Variants in UGT1A8 observed in about 807,000 individuals in gnomAD.
The protein encoded by UGT1A8 is UDP glucuronosyltransferase family 1 member A8.
A neutral mutation model predicts 45.3 loss-of-function variants in UGT1A8; 39 were observed. That is an observed-to-expected ratio of 0.86 (90% confidence interval 0.67 to 1.12). The LOEUF is 1.12. UGT1A8 is among the 50% of genes most tolerant of loss of function. The pLI is 0.00. For missense variants in UGT1A8, 719 were observed against 664.9 expected (o/e 1.08, Z -0.90); for synonymous variants, 275 against 249.2 (o/e 1.10, Z -0.97).
At chr2:233,691,237 T>C in intron 1 of UGT1A8, 1 of 985,554 alleles carries the variant, frequency 1.0e-6, no homozygotes, top group Non-Finnish European at 1.2e-6. Flanking sequence ...CTTATTGCTA[T>C]CTAGATGAAC....
At chr2:233,649,428 G>A (rs1165027091) in intron 1 of UGT1A8, among the ~76,000 whole-genome samples, 1 of 152,092 alleles carries the variant, frequency 6.6e-6, no homozygotes, top group African/African-American at 2.4e-5. Flanking sequence ...TAACTAACCT[G>A]TACTACCTGC....
intron 1 of UGT1A8, among the ~76,000 whole-genome samples, chr2:233,739,812 GT>G (rs957981819): frequency 5.3e-5 from 8 of 152,020 alleles, no homozygotes; most frequent in African/African-American, 1.9e-4. Context: ...GGCATGATTG[GT>G]TTTTAAATGT....
intron 1 of UGT1A8, chr2:233,672,218 A>G (rs1248602298): frequency 2.5e-6 from 4 of 1,614,098 alleles, no homozygotes; most frequent in Admixed American, 1.7e-5. Flanking sequence ...GCTTTTGCCC[A>G]TGCTCAATGG....
At chr2:233,685,659 T>C (rs563821705) in intron 1 of UGT1A8, among the ~76,000 whole-genome samples, 1 of 152,360 alleles carries the variant, frequency 6.6e-6, no homozygotes, top group South Asian at 2.1e-4. Context: ...GGAGAGGCTA[T>C]GGCATAATGT....
At chr2:233,768,145 T>C in intron 3 of UGT1A8, 75 bp from the exon 4 acceptor site, 1 of 1,611,332 alleles carries the variant, frequency 6.2e-7, no homozygotes, top group Non-Finnish European at 8.5e-7. Flanking sequence ...TTTGGAGTGT[T>C]TTCAGAACCT....
At chr2:233,711,090 C>T (rs369326612) in intron 1 of UGT1A8, among the ~76,000 whole-genome samples, 94 of 152,334 alleles carry the variant, frequency 6.2e-4, no homozygotes, top group African/African-American at 2.2e-3. Context: ...CCAAGTCTAT[C>T]TGTGCAGCCC....
intron 1 of UGT1A8, chr2:233,718,851 CG>C: frequency 6.2e-7 from 1 of 1,613,708 alleles, no homozygotes; most frequent in South Asian, 1.1e-5. Context: ...TCCCCTGCCG[CG>C]GCTGGCCACA....
intron 1 of UGT1A8, chr2:233,760,559 C>A (rs776620061): frequency 1.2e-6 from 2 of 1,614,238 alleles, no homozygotes; most frequent in Admixed American, 3.3e-5. Flanking sequence ...GTGAAAGAGT[C>A]TTTTGTTAGT....
intron 1 of UGT1A8, among the ~76,000 whole-genome samples, chr2:233,756,694 G>T (rs2125945712): frequency 6.6e-6 from 1 of 152,238 alleles, no homozygotes. Context: ...TAATGACGAT[G>T]AATTTTGGGG....
intron 1 of UGT1A8, among the ~76,000 whole-genome samples, chr2:233,747,015 G>T (rs911515983): frequency 6.6e-6 from 1 of 151,822 alleles, no homozygotes; most frequent in Non-Finnish European, 1.5e-5. Context: ...AGGAGTGATC[G>T]GTCTTTCCCG....
intron 1 of UGT1A8, among the ~76,000 whole-genome samples, chr2:233,622,875 C>T (rs181727632): frequency 9.9e-5 from 15 of 152,274 alleles, no homozygotes; most frequent in Non-Finnish European, 1.6e-4. Context: ...ACATTTAAAT[C>T]TTTAATCCAT....
intron 1 of UGT1A8, among the ~76,000 whole-genome samples, chr2:233,745,523 G>A (rs530279744): frequency 2.0e-5 from 3 of 151,672 alleles, no homozygotes; most frequent in African/African-American, 2.4e-5. Context: ...GGTCTAATGG[G>A]GATGTGTTAT....
chr2:233,685,762 A>C (rs1323396149), intron 1 of UGT1A8, among the ~76,000 whole-genome samples: 1 of 152,156 alleles, frequency 6.6e-6, no homozygotes, highest in Non-Finnish European at 1.5e-5. Context: ...TTAAAGAAAA[A>C]TTTTGACTTT....
At chr2:233,667,465 G>C (rs1172466212) in intron 1 of UGT1A8, among the ~76,000 whole-genome samples, 2 of 152,186 alleles carry the variant, frequency 1.3e-5, no homozygotes. Context: ...TCAGGACATA[G>C]GCATGGGCAA....
At chr2:233,633,586 T>G (rs949308973) in intron 1 of UGT1A8, among the ~76,000 whole-genome samples, 2 of 152,202 alleles carry the variant, frequency 1.3e-5, no homozygotes, top group Non-Finnish European at 1.5e-5. Flanking sequence ...GAATGTCTAG[T>G]TTATTTGTGT....
At chr2:233,682,834 T>G in intron 1 of UGT1A8, 1 of 1,552,986 alleles carries the variant, frequency 6.4e-7, no homozygotes, top group South Asian at 1.2e-5. Flanking sequence ...TAATCTGGCT[T>G]TGGAAATTAA....
chr2:233,738,287 A>T, intron 1 of UGT1A8, among the ~76,000 whole-genome samples: 1 of 152,330 alleles, frequency 6.6e-6, no homozygotes, highest in South Asian at 2.1e-4. Flanking sequence ...TAAATTACCC[A>T]GTCTTGGGTA....
At chr2:233,621,401 G>A (rs974741626) in intron 1 of UGT1A8, among the ~76,000 whole-genome samples, 18 of 152,148 alleles carry the variant, frequency 1.2e-4, no homozygotes, top group Admixed American at 9.8e-4. Context: ...ACCATCCATG[G>A]TAGGTTCAGC....
Position 233,748,846 on chromosome 2 carries a change from G to A in UGT1A8, c.856-18188G>A, listed in dbSNP as rs117649476. ...CTAGGGAGGAGATAAAACTGTGAGC[G>A]TATAAGCCCAGTTAAGCTGGGGACG... On this transcript the variant is annotated intron_variant, in intron 1 of 4. Transcript: ENST00000373450. Among the ~76,000 whole-genome samples, 30 of 151,478 alleles carry A rather than the reference G, an allele frequency of 2.0e-4. 1 individual carries two copies. The East Asian group carries it at 5.4e-3, about 27-fold the overall frequency.
Sources: allele counts gnomAD v4.1 joint callset (sites outside exome capture counted in the v4.1 genomes callset), GRCh38; gene constraint gnomAD v4.1.1; transcripts MANE v1.5; gene names NCBI Gene and HGNC (gene_info 2026-07-23, HGNC 2026-07-21).